Variants in NRXN1 observed in about 807,000 individuals in gnomAD.
NRXN1 encodes neurexin 1, also known as neurexin-1.
In NRXN1, 39 loss-of-function variants were observed where a neutral mutation model predicts 150.9. The observed-to-expected ratio is 0.26, with a 90% CI of 0.20 to 0.34. The LOEUF is 0.34. NRXN1 is among the 10% of genes least tolerant of loss of function. The probability of loss-of-function intolerance (pLI) is 1.00; values close to 1 mark genes in which losing one functional copy is unlikely to be tolerated. For synonymous variants in NRXN1, 924 were observed against 757.0 expected (o/e 1.22, Z -3.62); for missense variants, 1,815 against 1,949.9 (o/e 0.93, Z 1.30).
At chr2:50,736,396 T>G (rs565110434) in intron 5 of NRXN1, among the ~76,000 whole-genome samples, 3 of 152,110 alleles carry the variant, frequency 2.0e-5, no homozygotes, top group East Asian at 3.9e-4. Flanking sequence ...ATAGATGCAA[T>G]TTTGTGTGTG....
intron 9 of NRXN1, among the ~76,000 whole-genome samples, chr2:50,540,227 T>C (rs949485960): frequency 6.6e-6 from 1 of 152,162 alleles, no homozygotes; most frequent in African/African-American, 2.4e-5. Context: ...GGGAGCAAAA[T>C]AGAGATTTCC....
At chr2:50,330,596 C>A (rs1171672205) in intron 17 of NRXN1, among the ~76,000 whole-genome samples, 1 of 152,036 alleles carries the variant, frequency 6.6e-6, no homozygotes, top group Non-Finnish European at 1.5e-5. Context: ...ATAAATTAAG[C>A]AAGGAACCAT....
At chr2:50,591,774 C>T (rs963687563) in intron 8 of NRXN1, among the ~76,000 whole-genome samples, 1 of 152,210 alleles carries the variant, frequency 6.6e-6, no homozygotes, top group Non-Finnish European at 1.5e-5. Context: ...GCTGCCAAAG[C>T]CGAGCAGGGA....
chr2:50,648,687 T>C (rs1048946134), intron 5 of NRXN1, among the ~76,000 whole-genome samples: 2 of 151,962 alleles, frequency 1.3e-5, no homozygotes, highest in African/African-American at 4.8e-5. Context: ...GTGCAACCAA[T>C]GGATTTAATG....
intron 18 of NRXN1, among the ~76,000 whole-genome samples, chr2:50,165,092 T>G (rs2059594394): frequency 6.6e-6 from 1 of 152,030 alleles, no homozygotes; most frequent in Admixed American, 6.6e-5. Context: ...TCTCTGATCC[T>G]CACAACCCCC....
intron 5 of NRXN1, among the ~76,000 whole-genome samples, chr2:50,759,330 T>A (rs1701527640): frequency 6.6e-6 from 1 of 151,856 alleles, no homozygotes; most frequent in South Asian, 2.1e-4. Context: ...AGAACTGAAC[T>A]CAGAGACTTC....
chr2:50,309,422 G>A (rs1287371010), intron 17 of NRXN1, among the ~76,000 whole-genome samples: 1 of 152,062 alleles, frequency 6.6e-6, no homozygotes, highest in African/African-American at 2.4e-5. Context: ...TGAGAGTTTT[G>A]ACAAAATGAC....
chr2:50,632,490 T>C (rs767363053), intron 5 of NRXN1: 3 of 152,030 alleles, frequency 2.0e-5, no homozygotes, highest in Non-Finnish European at 2.9e-5. Context: ...GACAGTATCA[T>C]CAGCATTACT....
intron 17 of NRXN1, among the ~76,000 whole-genome samples, chr2:50,245,477 A>G (rs538912142): frequency 6.6e-6 from 1 of 152,096 alleles, no homozygotes; most frequent in South Asian, 2.1e-4. Context: ...TAACTCAGTA[A>G]TCAATTTGTA....
chr2:49,943,133 A>T (rs1672298418), intron 22 of NRXN1, among the ~76,000 whole-genome samples: 1 of 152,186 alleles, frequency 6.6e-6, no homozygotes, highest in Non-Finnish European at 1.5e-5. Context: ...ACATATCATA[A>T]AGAAGTAAAA....
intron 6 of NRXN1, 121 bp from the exon 7 acceptor site, chr2:50,621,370 A>G (rs1160715473): frequency 1.5e-6 from 1 of 667,246 alleles, no homozygotes; most frequent in Non-Finnish European, 2.5e-6. Flanking sequence ...AACGGTTAGT[A>G]GAATGAAACA....
At chr2:49,966,102 T>C (rs1289227367) in intron 21 of NRXN1, among the ~76,000 whole-genome samples, 1 of 152,194 alleles carries the variant, frequency 6.6e-6, no homozygotes, top group Non-Finnish European at 1.5e-5. Flanking sequence ...ATCCATTGTA[T>C]AAAAGCTAGT....
At chr2:50,334,628 T>C (rs1306459970) in intron 17 of NRXN1, among the ~76,000 whole-genome samples, 1 of 152,160 alleles carries the variant, frequency 6.6e-6, no homozygotes, top group Non-Finnish European at 1.5e-5. Context: ...TCCAAAATTC[T>C]CCAAAACACT....
At chr2:49,966,697 A>G (rs943665054) in intron 21 of NRXN1, 3 of 152,108 alleles carry the variant, frequency 2.0e-5, no homozygotes, top group African/African-American at 4.8e-5. Flanking sequence ...ATTAAAAGAA[A>G]ATGCTCTAAA....
intron 21 of NRXN1, chr2:49,972,750 A>C (rs1678172011): frequency 6.6e-6 from 1 of 152,202 alleles, no homozygotes; most frequent in African/African-American, 2.4e-5. Flanking sequence ...TTTAATGAAA[A>C]TAGTTGTCAC....
intron 2 of NRXN1, among the ~76,000 whole-genome samples, chr2:51,001,443 C>T (rs183674470): frequency 3.4e-5 from 5 of 148,668 alleles, no homozygotes; most frequent in Admixed American, 3.4e-4. Context: ...TTCATTATTG[C>T]ACTATACTGT....
At chr2:50,378,354 T>C (rs2080685162) in intron 17 of NRXN1, among the ~76,000 whole-genome samples, 1 of 152,154 alleles carries the variant, frequency 6.6e-6, no homozygotes, top group African/African-American at 2.4e-5. Flanking sequence ...AAGTTGAAAA[T>C]AAGCAGAAAA....
chr2:50,949,641 T>A (rs1209415109), intron 2 of NRXN1, among the ~76,000 whole-genome samples: 1 of 152,092 alleles, frequency 6.6e-6, no homozygotes, highest in Non-Finnish European at 1.5e-5. Flanking sequence ...TGGTGTGGTT[T>A]CATTCCTACT....
chr2:51,014,606 G>A (rs534254191), intron 2 of NRXN1, among the ~76,000 whole-genome samples: 9 of 151,994 alleles, frequency 5.9e-5, no homozygotes, highest in South Asian at 2.1e-4. Flanking sequence ...AGGATATACA[G>A]TTAGTTATTA....
Sources: allele counts gnomAD v4.1 joint callset (sites outside exome capture counted in the v4.1 genomes callset), GRCh38; gene constraint gnomAD v4.1.1; transcripts MANE v1.5; gene names NCBI Gene and HGNC (gene_info 2026-07-23, HGNC 2026-07-21).